ATP6AP2: variants seen among roughly 807,000 people sequenced by gnomAD.
ATP6AP2 encodes renin receptor.
Under a neutral mutation model 23.4 loss-of-function variants are expected in ATP6AP2, and 1 was observed. That is an observed-to-expected ratio of 0.04 (90% CI 0.02 to 0.20). The LOEUF is 0.20. ATP6AP2 is among the 10% of genes least tolerant of loss of function. ATP6AP2 has a pLI of 1.00. For synonymous variants in ATP6AP2, 90 were observed against 97.1 expected (o/e 0.93, Z 0.43); for missense variants, 174 against 271.3 (o/e 0.64, Z 2.52).
intron 8 of ATP6AP2, among the ~76,000 whole-genome samples, chrX:40,604,193 A>G (rs1353719059): frequency 1.8e-5 from 2 of 112,511 alleles, no homozygotes; most frequent in Non-Finnish European, 3.8e-5. Context: ...TCATACATAC[A>G]TAAGTATATA....
intron 3 of ATP6AP2, among the ~76,000 whole-genome samples, chrX:40,592,883 G>T (rs73463362): frequency 0.015 from 1,706 of 111,061 alleles, 32 homozygotes; most frequent in African/African-American, 0.052. Flanking sequence ...TAAAGAATCA[G>T]TGTCATATAA....
chrX:40,606,020 A>G lies in ATP6AP2; in HGVS notation c.*265A>G, dbSNP rs1602406454. On this transcript the variant is annotated 3_prime_UTR_variant, in exon 9 of 9. Transcript: ENST00000636580. ...AACATTGATTTCATTCTGTTTAATG[A>G]ATTTGGAAATATGCACTGAAAGAAA... 4 of 314,512 alleles carry G rather than the reference A, an allele frequency of 1.3e-5. No homozygotes were observed. Among genetic ancestry groups the G allele is most frequent in the East Asian group, 5.5e-5 (1 of 18,031 alleles). The allele number at this position is 314,512 out of a possible 1,213,427, so 25.9% of individuals were successfully genotyped here.
At chrX:40,598,432 A>G (rs1264370924) in intron 5 of ATP6AP2, 10 of 392,857 alleles carry the variant, frequency 2.5e-5, no homozygotes, top group African/African-American at 2.3e-4. Context: ...ATGCTTTATC[A>G]TGGTTTTGCC....
intron 3 of ATP6AP2, among the ~76,000 whole-genome samples, chrX:40,595,107 A>G (rs1299645392): frequency 1.8e-5 from 2 of 112,371 alleles, no homozygotes; most frequent in Non-Finnish European, 3.8e-5. Flanking sequence ...ATAAAAATCC[A>G]AAATGCCATT....
intron 1 of ATP6AP2, among the ~76,000 whole-genome samples, chrX:40,587,918 C>G (rs1926519230): frequency 1.8e-5 from 2 of 112,836 alleles, no homozygotes; most frequent in Admixed American, 9.3e-5. Context: ...ATGTAAACAA[C>G]CAATCGTGTT....
rs867177894 is a variant in ATP6AP2, at chrX:40,602,040, G to A, written c.858+1159G>A. 3.5e-3 allele frequency among the ~76,000 whole-genome samples: 318 copies of A among 89,921 alleles called. 3 individuals are homozygous for A. The highest frequency in any genetic ancestry group is 0.017 in the African/African-American group (237 of 13,667). The allele number at this position is 89,921 out of a possible 115,157, so 78.1% of individuals were successfully genotyped here. ...CTCACGCCTGTAATCCCAGCACTTT[G>A]GGAGGTTGAGGCGGGCGGAACACCT... On this transcript the variant is annotated intron_variant, in intron 8 of 8. Coordinates refer to ENST00000636580, the MANE Select transcript of ATP6AP2 (RefSeq NM_005765.3).
chrX:40,601,032 A>T (rs905367949), intron 8 of ATP6AP2, 151 bp downstream of exon 8: 17 of 551,449 alleles, frequency 3.1e-5, no homozygotes, highest in Middle Eastern at 5.8e-4. Context: ...CTTCTTGTTC[A>T]CATACATATG....
intron 5 of ATP6AP2, chrX:40,598,192 T>C (rs767999471): frequency 1.2e-5 from 2 of 160,742 alleles, no homozygotes; most frequent in Non-Finnish European, 2.4e-5. Flanking sequence ...TACTTTTGAC[T>C]CCTGTCCTTC....
chrX:40,597,498 C>T (rs1926801412), intron 4 of ATP6AP2, 29 bp from the exon 5 acceptor site: 1 of 1,203,103 alleles, frequency 8.3e-7, no homozygotes, highest in African/African-American at 1.7e-5. Context: ...AGAATTTGAG[C>T]AACTTAAAAT....
Position 40,606,595 on chromosome X carries a change from A to C in ATP6AP2, c.*840A>C, listed in dbSNP as rs1030269216. ...CTACTTTTTATGTTGGAGTGGACCA[A>C]TGTCTATCAAGAGTGACAAATAAAG... is the stretch of plus-strand genomic sequence containing the variant. On this transcript the variant is annotated 3_prime_UTR_variant, in exon 9 of 9. Coordinates refer to ENST00000636580, the MANE Select transcript of ATP6AP2 (RefSeq NM_005765.3). The C allele has an allele frequency of 8.9e-6, 1 of 112,494 alleles. No homozygotes were observed. Among genetic ancestry groups the C allele is most frequent in the Non-Finnish European group, 1.9e-5 (1 of 53,219 alleles). The allele number at this position is 112,494 out of a possible 1,213,427, so 9.3% of individuals were successfully genotyped here.
chrX:40,604,248 G>A (rs947597786), intron 8 of ATP6AP2, among the ~76,000 whole-genome samples: 1 of 111,695 alleles, frequency 9.0e-6, no homozygotes, highest in African/African-American at 3.3e-5. Flanking sequence ...TAATAACACT[G>A]TATAGCTCCG....
At chrX:40,591,158 T>C in intron 2 of ATP6AP2, 76 bp from the exon 3 acceptor site, 1 of 1,165,785 alleles carries the variant, frequency 8.6e-7, no homozygotes, top group East Asian at 3.0e-5. Context: ...CCCTTAACTC[T>C]GCTTATTAGA....
At chrX:40,600,242 A>C (rs1023831140) in intron 7 of ATP6AP2, 1 of 128,224 alleles carries the variant, frequency 7.8e-6, no homozygotes, top group African/African-American at 3.2e-5. Flanking sequence ...CTTCACCTGC[A>C]TCCTTTCAGT....
Position 40,601,908 on chromosome X carries a change from T to A in ATP6AP2, c.858+1027T>A, listed in dbSNP as rs779032016. On this transcript the variant is annotated intron_variant, in intron 8 of 8. Coordinates refer to ENST00000636580, the MANE Select transcript of ATP6AP2 (RefSeq NM_005765.3). ...GGAAGGACCTTTGTTTCAGACAGCA[T>A]GTCAGTCTAGACAACCACCCAAGAT... 1.1e-4 allele frequency among the ~76,000 whole-genome samples: 12 copies of A among 112,555 alleles called. No individual in the cohort carries two copies. The South Asian group carries it at 2.2e-3, about 20-fold the overall frequency.
intron 1 of ATP6AP2, among the ~76,000 whole-genome samples, chrX:40,586,995 C>T (rs1355975557): frequency 8.9e-6 from 1 of 112,442 alleles, no homozygotes; most frequent in East Asian, 2.8e-4. Context: ...TGGGGCTGGG[C>T]GCGGTGGCTC....
At chrX:40,581,890 T>C (rs961069686) in intron 1 of ATP6AP2, among the ~76,000 whole-genome samples, 1 of 112,075 alleles carries the variant, frequency 8.9e-6, no homozygotes, top group African/African-American at 3.3e-5. Context: ...TTTTGCAGGG[T>C]GATCAACCTA....
chrX:40,591,567 A>G, intron 3 of ATP6AP2: 1 of 451,602 alleles, frequency 2.2e-6, no homozygotes, highest in South Asian at 3.2e-5. Context: ...TTCTCTGTGG[A>G]TGAGAGTACT....
intron 8 of ATP6AP2, among the ~76,000 whole-genome samples, chrX:40,604,366 A>G (rs994046757): frequency 2.7e-5 from 3 of 111,389 alleles, no homozygotes; most frequent in Non-Finnish European, 3.8e-5. Context: ...GAAACTTACA[A>G]TCATGGAGGA....
intron 6 of ATP6AP2, 93 bp from the exon 7 acceptor site, chrX:40,599,499 A>G: frequency 1.9e-6 from 2 of 1,040,808 alleles, no homozygotes; most frequent in Non-Finnish European, 2.7e-6. Context: ...AGTTTAGCCT[A>G]GTTTAGTTAG....
Sources: allele counts gnomAD v4.1 joint callset (sites outside exome capture counted in the v4.1 genomes callset), GRCh38; gene constraint gnomAD v4.1.1; transcripts MANE v1.5; gene names NCBI Gene and HGNC (gene_info 2026-07-23, HGNC 2026-07-21).